The following KCNV1 variants were observed in gnomAD, a reference collection of about 807,000 sequenced individuals.
KCNV1 encodes potassium voltage-gated channel modifier subfamily V member 1, also known as potassium voltage-gated channel subfamily V member 1.
In KCNV1, 2 loss-of-function variants were observed where a neutral mutation model predicts 36.4. The ratio of observed to expected loss-of-function variants is 0.05; its 90% confidence interval spans 0.02 to 0.17. The LOEUF is 0.17. Among genes scored for constraint, KCNV1 ranks in the 10% least tolerant of loss-of-function variants. The pLI, the probability that KCNV1 is intolerant of heterozygous loss-of-function variation, is 1.00. For synonymous variants in KCNV1, 280 were observed against 261.1 expected (o/e 1.07, Z -0.70); for missense variants, 321 against 643.6 (o/e 0.50, Z 5.42).
rs999855698 is a variant in KCNV1, at chr8:109,968,003, C to A, written c.*85G>T. 146 of 1,289,230 alleles carry A rather than the reference C, an allele frequency of 1.1e-4. 1 individual carries two copies. Among genetic ancestry groups the A allele is most frequent in the Non-Finnish European group, 2.2e-5 (21 of 933,980 alleles). The allele number at this position is 1,289,230 out of a possible 1,614,324, so 79.9% of individuals were successfully genotyped here. On this transcript the variant is annotated 3_prime_UTR_variant, in exon 4 of 4. Coordinates refer to ENST00000524391, the MANE Select transcript of KCNV1 (RefSeq NM_014379.4). The surrounding 1 kb of genome is among the most constrained non-coding windows in gnomAD (Gnocchi z 5.3). ...AGATGAGCAGTACTCTGAAGAGACT[C>A]ATCATCAGAATACAGAAATCCACAT...
rs751534416 is a variant in KCNV1, at chr8:109,974,166, A to G, written c.223T>C (p.Tyr75His). ...GCGGCCAGGGCCCCGGGGCGGCGGTAGGAAGCCACCACCACGGCCAGCTTG... is the reference window on the plus strand; with the variant it reads ...GCGGCCAGGGCCCCGGGGCGGCGGTGGGAAGCCACCACCACGGCCAGCTTG... ...LGKLAVVVAS[Y>H]RRPGALAAVP... The change falls in exon 2 of 4, where the codon TAC becomes CAC. Residue 75 changes from tyrosine (Y) to histidine (H), a missense_variant. Physicochemically the swap from Tyr to His is moderately conservative, Grantham distance 83. Around this residue, in one of 5 missense-constraint regions of KCNV1, gnomAD observed 60 missense variants for 160.5 expected, o/e 0.37. Coordinates refer to ENST00000524391, the MANE Select transcript of KCNV1 (RefSeq NM_014379.4). The surrounding 1 kb of genome is among the most constrained non-coding windows in gnomAD (Gnocchi z 6.2). 8 of 1,601,474 alleles carry G rather than the reference A, an allele frequency of 5.0e-6. No individual in the cohort carries two copies. Among genetic ancestry groups the G allele is most frequent in the Non-Finnish European group, 5.1e-6 (6 of 1,174,756 alleles).
In KCNV1 at chr8:109,967,626, G is replaced by A. The variant is rs550618282; in HGVS notation, c.*462C>T. The A allele has an allele frequency of 1.6e-4, 25 of 159,466 alleles. No homozygotes were observed. Among genetic ancestry groups the A allele is most frequent in the Non-Finnish European group, 2.9e-4 (21 of 71,968 alleles). The allele number at this position is 159,466 out of a possible 1,614,324, so 9.9% of individuals were successfully genotyped here. Reference sequence around the variant, plus strand: ...TCAATAGCTTTAACTGATAGAGAACGGAGTAATTTATGTACTTGGATAATA... The same window carrying A: ...TCAATAGCTTTAACTGATAGAGAACAGAGTAATTTATGTACTTGGATAATA... On this transcript the variant is annotated 3_prime_UTR_variant, in exon 4 of 4. Coordinates refer to ENST00000524391, the MANE Select transcript of KCNV1 (RefSeq NM_014379.4).
rs987594917 is a variant in KCNV1, at chr8:109,966,622, C to G, written c.*1466G>C. The stretch of plus-strand genomic sequence containing the variant: ...GCATTTTACAGTTAATGGCATCTTA[C>G]AATTGACTGGCATCTTTCTTTCTTG... On this transcript the variant is annotated 3_prime_UTR_variant, in exon 4 of 4. Transcript: ENST00000524391. 2 of 152,136 alleles carry G rather than the reference C, an allele frequency of 1.3e-5. No individual in the cohort carries two copies. The highest frequency in any genetic ancestry group is 2.9e-5 in the Non-Finnish European group (2 of 67,990). The allele number at this position is 152,136 out of a possible 1,614,324, so 9.4% of individuals were successfully genotyped here.
Position 109,968,683 on chromosome 8 carries a change from G to A in KCNV1, c.992-84C>T. ...CCCCTCCCCTCTCCCTCCTTGCTCT[G>A]CCACCCACAAACTGCACTGCACACT... On this transcript the variant is annotated intron_variant, in intron 3 of 3. Coordinates refer to ENST00000524391, the MANE Select transcript of KCNV1 (RefSeq NM_014379.4). This position sits in a 1 kb window ranked among gnomAD's most constrained non-coding sequence, Gnocchi z 5.3. 3 of 1,412,346 alleles carry A rather than the reference G, an allele frequency of 2.1e-6. No homozygotes were observed. The highest frequency in any genetic ancestry group is 2.9e-6 in the Non-Finnish European group (3 of 1,042,422). 87.5% of individuals were successfully genotyped at this position (1,412,346 alleles called of 1,614,324 possible).
rs1335370599 is a variant in KCNV1 at position 109,974,179 on chromosome 8, C to T, written c.210G>A (p.Val70=). Residue 70 remains valine (V), a synonymous_variant, in exon 2 of 4, where the codon GTG becomes GTA. Transcript: ENST00000524391. The surrounding 1 kb of genome is among the most constrained non-coding windows in gnomAD (Gnocchi z 6.2). The part of the protein sequence containing the change: ...FPHTRLGKLA[V]VVASYRRPGA... ...CGGGGCGGCGGTAGGAAGCCACCAC[C>T]ACGGCCAGCTTGCCAAGGCGCGTGT... 4.4e-6 allele frequency: 7 copies of T among 1,597,130 alleles called. No individual in the cohort carries two copies. Among genetic ancestry groups the T allele is most frequent in the Non-Finnish European group, 6.0e-6 (7 of 1,172,444 alleles).
rs1330264936 is a variant in KCNV1 at position 109,968,947 on chromosome 8, T to C, written c.992-348A>G. Among the ~76,000 whole-genome samples, 1 of 152,296 alleles carries C rather than the reference T, an allele frequency of 6.6e-6. No individual in the cohort carries two copies. The highest frequency in any genetic ancestry group is 1.5e-5 in the Non-Finnish European group (1 of 68,012). On this transcript the variant is annotated intron_variant, in intron 3 of 3. Coordinates refer to ENST00000524391, the MANE Select transcript of KCNV1 (RefSeq NM_014379.4). This position sits in a 1 kb window ranked among gnomAD's most constrained non-coding sequence, Gnocchi z 5.3. ...GATAGGAGTTTTGTACTTTAGTCTG[T>C]ACAATAAGAGGCCTTTGCGGTGTTG... is the stretch of plus-strand genomic sequence containing the variant.
At position 109,965,378 on chromosome 8, in the gene KCNV1, G is replaced by T. The variant is rs945447084; in HGVS notation, c.*2710C>A. 1 of 152,034 alleles carries T rather than the reference G, an allele frequency of 6.6e-6. No homozygotes were observed. Among genetic ancestry groups the T allele is most frequent in the Admixed American group, 6.6e-5 (1 of 15,260 alleles). 9.4% of individuals were successfully genotyped at this position (152,034 alleles called of 1,614,324 possible). On this transcript the variant is annotated 3_prime_UTR_variant, in exon 4 of 4. Transcript: ENST00000524391. ...TTTAAAATAATGGGTTATAAAATTG[G>T]CAGAGTTCCTGCCTTGATTTTTTTA...
intron 3 of KCNV1, among the ~76,000 whole-genome samples, chr8:109,970,655 A>G (rs1819998929): frequency 6.6e-6 from 1 of 152,218 alleles, no homozygotes; most frequent in Admixed American, 6.5e-5. Context: ...TGTAGTGTTG[A>G]GGCAAAATTG....
At position 109,972,566 on chromosome 8, in the gene KCNV1, G is replaced by A; in HGVS notation, c.683C>T (p.Ala228Val). ...IFVVVSIINM[A>V]LMSAELSWLD... ...CCAGCTTAACTCAGCTGACATCAGG[G>A]CCATGTTAATGATGGACACCACCAC... Residue 228 changes from alanine (A) to valine (V), a missense_variant, in exon 3 of 4, where the codon GCC (alanine) becomes GTC (valine). Coordinates refer to ENST00000524391, the MANE Select transcript of KCNV1 (RefSeq NM_014379.4). The surrounding 1 kb of genome is among the most constrained non-coding windows in gnomAD (Gnocchi z 5.2). The A allele has an allele frequency of 6.8e-6, 11 of 1,614,178 alleles. 1 individual carries two copies. Among genetic ancestry groups the A allele is most frequent in the Non-Finnish European group, 9.3e-6 (11 of 1,180,030 alleles).
rs1173924720 is a variant in KCNV1 at position 109,972,235 on chromosome 8, A to G, written c.991+23T>C. On this transcript the variant is annotated intron_variant, in intron 3 of 3. Coordinates refer to ENST00000524391, the MANE Select transcript of KCNV1 (RefSeq NM_014379.4). The surrounding 1 kb of genome is among the most constrained non-coding windows in gnomAD (Gnocchi z 5.2). Reference sequence around the variant, plus strand: ...TGCTTACATGCAATGGCAAATTAAAAGGCATCAGTGAAATGTGAATACCTG... The same window carrying G: ...TGCTTACATGCAATGGCAAATTAAAGGGCATCAGTGAAATGTGAATACCTG... 1.3e-6 allele frequency: 2 copies of G among 1,545,420 alleles called. No homozygotes were observed. The highest frequency in any genetic ancestry group is 1.3e-5 in the South Asian group (1 of 79,274).
intron 2 of KCNV1, among the ~76,000 whole-genome samples, chr8:109,973,142 G>T (rs1820033001): frequency 6.6e-6 from 1 of 151,784 alleles, no homozygotes; most frequent in African/African-American, 2.4e-5. Flanking sequence ...CAGCACCCCC[G>T]GGTAATTTTT....
chr8:109,968,692 A>G lies in KCNV1; in HGVS notation c.992-93T>C. The G allele has an allele frequency of 1.6e-6, 2 of 1,264,268 alleles. No homozygotes were observed. The highest frequency in any genetic ancestry group is 1.1e-6 in the Non-Finnish European group (1 of 911,984). The allele number at this position is 1,264,268 out of a possible 1,614,324, so 78.3% of individuals were successfully genotyped here. On this transcript the variant is annotated intron_variant, in intron 3 of 3. Transcript: ENST00000524391. This position sits in a 1 kb window ranked among gnomAD's most constrained non-coding sequence, Gnocchi z 5.3. ...TCTCCCTCCTTGCTCTGCCACCCACAAACTGCACTGCACACTTAAATGTCC... is the reference window on the plus strand; with the variant it reads ...TCTCCCTCCTTGCTCTGCCACCCACGAACTGCACTGCACACTTAAATGTCC...
chr8:109,966,085 T>C lies in KCNV1; in HGVS notation c.*2003A>G, dbSNP rs1819941005. 6.6e-6 allele frequency: 1 copy of C among 152,170 alleles called. No individual in the cohort carries two copies. The highest frequency in any genetic ancestry group is 1.5e-5 in the Non-Finnish European group (1 of 68,020). The allele number at this position is 152,170 out of a possible 1,614,324, so 9.4% of individuals were successfully genotyped here. On this transcript the variant is annotated 3_prime_UTR_variant, in exon 4 of 4. Coordinates refer to ENST00000524391, the MANE Select transcript of KCNV1 (RefSeq NM_014379.4). ...ACCAAAGATCCTTAATAAATATTTG[T>C]TGAGTTAATAAATATATAAAATATG... is the stretch of plus-strand genomic sequence containing the variant.
rs1820028909 is a variant in KCNV1 at position 109,972,878 on chromosome 8, T to C, written c.462-91A>G. 9.9e-6 allele frequency: 10 copies of C among 1,013,296 alleles called. No homozygotes were observed. The highest frequency in any genetic ancestry group is 1.4e-5 in the Non-Finnish European group (10 of 695,918). The allele number at this position is 1,013,296 out of a possible 1,614,324, so 62.8% of individuals were successfully genotyped here. ...AACATGGCAGGGAGGTCAGACTTTTTCATTCAACAAAATGCAGAAAAATGT... is the reference window on the plus strand; with the variant it reads ...AACATGGCAGGGAGGTCAGACTTTTCCATTCAACAAAATGCAGAAAAATGT... On this transcript the variant is annotated intron_variant, in intron 2 of 3. Coordinates refer to ENST00000524391, the MANE Select transcript of KCNV1 (RefSeq NM_014379.4). The surrounding 1 kb of genome is among the most constrained non-coding windows in gnomAD (Gnocchi z 5.2).
chr8:109,972,501 T>C lies in KCNV1; in HGVS notation c.748A>G (p.Ile250Val). Residue 250 changes from isoleucine to valine, a missense_variant, in exon 3 of 4, where the codon ATT becomes GTT. By Grantham distance (29) the Ile-to-Val change is conservative (BLOSUM62 3). Transcript: ENST00000524391. The surrounding 1 kb of genome is among the most constrained non-coding windows in gnomAD (Gnocchi z 5.2). ...ACAAACTCCCCGGTGAACCAGCTAA[T>C]GCACACATACTCCAGGATTTCCAGC... Reference protein sequence around the residue: ...QLLEILEYVCISWFTGEFVLR... With the variant: ...QLLEILEYVCVSWFTGEFVLR... 6.2e-7 allele frequency: 1 copy of C among 1,614,180 alleles called. No homozygotes were observed.
At position 109,972,072 on chromosome 8, in the gene KCNV1, C is replaced by A. The variant is rs1820017997; in HGVS notation, c.991+186G>T. Among the ~76,000 whole-genome samples, 1 of 152,186 alleles carries A rather than the reference C, an allele frequency of 6.6e-6. No homozygotes were observed. Among genetic ancestry groups the A allele is most frequent in the South Asian group, 2.1e-4 (1 of 4,834 alleles). ...AGAGGAGGTATGTGAGAGCTCATTT[C>A]TCTATACCTGTGATAGCAACTTCAA... On this transcript the variant is annotated intron_variant, in intron 3 of 3. Coordinates refer to ENST00000524391, the MANE Select transcript of KCNV1 (RefSeq NM_014379.4). The surrounding 1 kb of genome is among the most constrained non-coding windows in gnomAD (Gnocchi z 5.2).
chr8:109,966,084 G>T lies in KCNV1; in HGVS notation c.*2004C>A, dbSNP rs1819940979. On this transcript the variant is annotated 3_prime_UTR_variant, in exon 4 of 4. Coordinates refer to ENST00000524391, the MANE Select transcript of KCNV1 (RefSeq NM_014379.4). ...CACCAAAGATCCTTAATAAATATTT[G>T]TTGAGTTAATAAATATATAAAATAT... 6.6e-6 allele frequency: 1 copy of T among 152,132 alleles called. No homozygotes were observed. The highest frequency in any genetic ancestry group is 1.5e-5 in the Non-Finnish European group (1 of 68,026). The allele number at this position is 152,132 out of a possible 1,614,324, so 9.4% of individuals were successfully genotyped here.
chr8:109,966,244 C>A lies in KCNV1; in HGVS notation c.*1844G>T, dbSNP rs1819942422. 6.6e-6 allele frequency: 1 copy of A among 152,140 alleles called. No individual in the cohort carries two copies. The highest frequency in any genetic ancestry group is 2.4e-5 in the African/African-American group (1 of 41,420). The allele number at this position is 152,140 out of a possible 1,614,324, so 9.4% of individuals were successfully genotyped here. ...CTTATTAGGGAAAGTTCTAGAAAAG[C>A]TGGAGTAAGTTTACCTTCTGTGTCT... On this transcript the variant is annotated 3_prime_UTR_variant, in exon 4 of 4. Coordinates refer to ENST00000524391, the MANE Select transcript of KCNV1 (RefSeq NM_014379.4).
In KCNV1 at chr8:109,972,808, G is replaced by T; in HGVS notation, c.462-21C>A. The T allele has an allele frequency of 6.5e-7, 1 of 1,544,670 alleles. No homozygotes were observed. Among genetic ancestry groups the T allele is most frequent in the Non-Finnish European group, 8.7e-7 (1 of 1,147,170 alleles). On this transcript the variant is annotated intron_variant, in intron 2 of 3. Coordinates refer to ENST00000524391, the MANE Select transcript of KCNV1 (RefSeq NM_014379.4). The surrounding 1 kb of genome is among the most constrained non-coding windows in gnomAD (Gnocchi z 5.2). The stretch of plus-strand genomic sequence containing the variant: ...AGTATCTTTTAGAGAAAACAATTTG[G>T]TGATTAGTCTAACTTTATTAAAATA...
Sources: gnomAD v4.1 joint callset for allele counts (sites outside exome capture counted in the v4.1 genomes callset) on GRCh38, gnomAD v4.1.1 for gene constraint, gnomAD v4.1.1 regional missense constraint, Gnocchi (gnomAD v3.1) non-coding constraint, MANE v1.5 for transcripts, NCBI Gene and HGNC (gene_info 2026-07-23, HGNC 2026-07-21) for gene names.